Variants in RGS5 observed in about 807,000 individuals in gnomAD.
RGS5 encodes regulator of G protein signaling 5.
In RGS5, 20 loss-of-function variants were observed where a neutral mutation model predicts 18.9. The ratio of observed to expected loss-of-function variants is 1.06; its 90% CI spans 0.74 to 1.54. The LOEUF (loss-of-function observed/expected upper bound fraction) is 1.54, where lower values mean the gene tolerates loss of function less well. RGS5 is among the 40% of genes most tolerant of loss of function. RGS5 has a pLI of 0.00. For missense variants in RGS5, 201 were observed against 211.8 expected (o/e 0.95, Z 0.32); for synonymous variants, 57 against 76.2 (o/e 0.75, Z 1.31).
At position 163,236,885 on chromosome 1, in the gene RGS5, C is replaced by T. The variant is rs565432597; in HGVS notation, c.-280-68517G>A. 3.9e-3 allele frequency among the ~76,000 whole-genome samples: 589 copies of T among 151,250 alleles called. 2 individuals are homozygous for T. The highest frequency in any genetic ancestry group is 8.4e-3 in the Admixed American group (127 of 15,190). ...CTGAGGCAGGGGAATCACTTGAACCCGGGAGGTGGAGGTGGCAGTGAGCTG... is the reference window on the plus strand; with the variant it reads ...CTGAGGCAGGGGAATCACTTGAACCTGGGAGGTGGAGGTGGCAGTGAGCTG... On this transcript the variant is annotated intron_variant, in intron 2 of 5. Coordinates refer to the RGS5 transcript ENST00000618415.
At chr1:163,240,572 A>C (rs1324939180) in intron 2 of RGS5, among the ~76,000 whole-genome samples, 2 of 152,116 alleles carry the variant, frequency 1.3e-5, no homozygotes, top group African/African-American at 2.4e-5. Context: ...CCCAGGCTGC[A>C]GAGTTGTGAT....
intron 1 of RGS5, among the ~76,000 whole-genome samples, chr1:163,216,684 C>T (rs1038810015): frequency 7.2e-5 from 11 of 152,220 alleles, no homozygotes; most frequent in South Asian, 2.1e-4. Context: ...GATTCACTGA[C>T]GATATTATCA....
intron 2 of RGS5, among the ~76,000 whole-genome samples, chr1:163,236,829 C>T (rs1647634454): frequency 6.6e-6 from 1 of 151,978 alleles, no homozygotes; most frequent in African/African-American, 2.4e-5. Flanking sequence ...GGCATGGTGG[C>T]ACATGCCTGT....
intron 2 of RGS5, among the ~76,000 whole-genome samples, chr1:163,225,389 C>T (rs1647311391): frequency 6.6e-6 from 1 of 152,124 alleles, no homozygotes; most frequent in Admixed American, 6.6e-5. Flanking sequence ...CAAAGTTTCA[C>T]ATGAGAAACT....
chr1:163,290,656 A>C lies in RGS5; in HGVS notation c.-281+15577T>G, dbSNP rs867630321. On this transcript the variant is annotated intron_variant, in intron 2 of 5. Transcript: ENST00000618415. ...AGAAGACATGTGCAGCTCATACCAA[A>C]AAAAAAAAAAAAAATGAATATTTCA... is the stretch of plus-strand genomic sequence containing the variant. Among the ~76,000 whole-genome samples the C allele has an allele frequency of 6.1e-4, 78 of 127,394 alleles. 1 individual carries two copies. In the Middle Eastern group the frequency reaches 0.015, roughly 24 times the overall value. The allele number at this position is 127,394 out of a possible 152,430, so 83.6% of individuals were successfully genotyped here.
At chr1:163,266,706 T>C (rs868190196) in intron 2 of RGS5, 7 of 152,142 alleles carry the variant, frequency 4.6e-5, no homozygotes, top group African/African-American at 1.7e-4. Context: ...TTTGTACTAA[T>C]AGTTTTCCTT....
chr1:163,192,784 C>A (rs747415019), intron 1 of RGS5, among the ~76,000 whole-genome samples: 1 of 152,170 alleles, frequency 6.6e-6, no homozygotes, highest in Non-Finnish European at 1.5e-5. Context: ...ACCACCAGAT[C>A]CTCTGGGAAA....
At chr1:163,317,017 C>T (rs951086477) in intron 1 of RGS5, among the ~76,000 whole-genome samples, 1 of 152,168 alleles carries the variant, frequency 6.6e-6, no homozygotes, top group Non-Finnish European at 1.5e-5. Flanking sequence ...TTCAATATAA[C>T]ATAAACTTTT....
At chr1:163,288,357 T>C (rs903943180) in intron 2 of RGS5, among the ~76,000 whole-genome samples, 2 of 152,202 alleles carry the variant, frequency 1.3e-5, no homozygotes, top group Admixed American at 6.6e-5. Flanking sequence ...GAGCTCTGGA[T>C]TGGGAGTCAC....
chr1:163,256,431 T>C (rs1648274039), intron 2 of RGS5, among the ~76,000 whole-genome samples: 1 of 152,020 alleles, frequency 6.6e-6, no homozygotes. Flanking sequence ...AGTTCAGTGG[T>C]GTTTGGAGGT....
chr1:163,276,351 A>G (rs1648853537), intron 2 of RGS5, among the ~76,000 whole-genome samples: 2 of 152,024 alleles, frequency 1.3e-5, no homozygotes, highest in South Asian at 4.1e-4. Context: ...CTGTAGTATT[A>G]AAAAAAATAA....
intron 2 of RGS5, among the ~76,000 whole-genome samples, chr1:163,257,317 C>T (rs544875230): frequency 6.6e-6 from 1 of 152,166 alleles, no homozygotes; most frequent in East Asian, 1.9e-4. Flanking sequence ...GAAAAGACTT[C>T]ATAGCCAAAG....
chr1:163,173,555 A>C (rs1395852144), intron 1 of RGS5, among the ~76,000 whole-genome samples: 1 of 152,228 alleles, frequency 6.6e-6, no homozygotes, highest in East Asian at 1.9e-4. Context: ...CAGCACAAGC[A>C]ATCACTAAAA....
chr1:163,309,143 A>G (rs981319621), intron 1 of RGS5, among the ~76,000 whole-genome samples: 17 of 152,044 alleles, frequency 1.1e-4, no homozygotes, highest in Admixed American at 5.9e-4. Context: ...TGAGCTGGGG[A>G]GATAGAGGTT....
At chr1:163,298,927 A>C (rs184328869) in intron 2 of RGS5, among the ~76,000 whole-genome samples, 25 of 152,296 alleles carry the variant, frequency 1.6e-4, no homozygotes, top group African/African-American at 5.1e-4. Context: ...AGATGCTGGA[A>C]ATAAAATAAA....
intron 2 of RGS5, 108 bp from the exon 3 acceptor site, chr1:163,162,084 G>C: frequency 1.3e-6 from 1 of 792,224 alleles, no homozygotes; most frequent in Non-Finnish European, 2.2e-6. Flanking sequence ...TGATATGACT[G>C]CTGGTCTATC....
At chr1:163,148,619 G>A (rs1557878446) in intron 4 of RGS5, among the ~76,000 whole-genome samples, 1 of 152,178 alleles carries the variant, frequency 6.6e-6, no homozygotes, top group African/African-American at 2.4e-5. Context: ...CAGTGATGTG[G>A]CTCCAGAGCC....
chr1:163,184,360 CAGAG>C (rs1445892125), intron 1 of RGS5, among the ~76,000 whole-genome samples: 1 of 145,226 alleles, frequency 6.9e-6, no homozygotes, highest in African/African-American at 2.6e-5. Context: ...GGAGAAGCCA[CAGAG>C]AGTGTTAGGA....
intron 2 of RGS5, chr1:163,239,345 G>A (rs1178171758): frequency 3.3e-5 from 5 of 151,934 alleles, no homozygotes; most frequent in African/African-American, 9.7e-5. Context: ...CATTAGCCAG[G>A]CGTGGTGGCC....
Sources: allele counts gnomAD v4.1 joint callset (sites outside exome capture counted in the v4.1 genomes callset), GRCh38; gene constraint gnomAD v4.1.1; transcripts MANE v1.5; gene names NCBI Gene and HGNC (gene_info 2026-07-23, HGNC 2026-07-21).